TOP1: variants seen among roughly 807,000 people sequenced by gnomAD.
The protein encoded by TOP1 is DNA topoisomerase I.
Under a neutral mutation model 111.1 loss-of-function variants are expected in TOP1, and 10 were observed. The ratio of observed to expected loss-of-function variants is 0.09; its 90% CI spans 0.06 to 0.15. The LOEUF is 0.15. TOP1 is among the 10% of genes least tolerant of loss of function. The pLI, the probability that TOP1 is intolerant of heterozygous loss-of-function variation, is 1.00. For missense variants in TOP1, 474 were observed against 926.7 expected, an observed-to-expected ratio of 0.51 and a Z score of 6.34; for synonymous variants, 271 against 302.9, an observed-to-expected ratio of 0.89 and a Z score of 1.10.
At chr20:41,104,416 G>A (rs975799318) in intron 13 of TOP1, among the ~76,000 whole-genome samples, 4 of 152,214 alleles carry the variant, frequency 2.6e-5, no homozygotes, top group Admixed American at 2.6e-4. Context: ...GATGGAGAGA[G>A]GTGACAGATA....
chr20:41,082,509 C>T lies in TOP1; in HGVS notation c.507+1269C>T, dbSNP rs2033799990. Among the ~76,000 whole-genome samples, 1 of 152,180 alleles carries T rather than the reference C, an allele frequency of 6.6e-6. No individual in the cohort carries two copies. Among genetic ancestry groups the T allele is most frequent in the Non-Finnish European group, 1.5e-5 (1 of 68,026 alleles). On this transcript the variant is annotated intron_variant, in intron 7 of 20. Transcript: ENST00000361337. The surrounding 1 kb of genome is among the most constrained non-coding windows in gnomAD (Gnocchi z 4.1). ...CAGTCTGACTTCAGTGCCAGCACACCAGCTACTATATTATCCTACCTCCCC... is the reference window on the plus strand; with the variant it reads ...CAGTCTGACTTCAGTGCCAGCACACTAGCTACTATATTATCCTACCTCCCC...
intron 18 of TOP1, among the ~76,000 whole-genome samples, chr20:41,120,801 G>A (rs1299550588): frequency 6.6e-6 from 1 of 152,182 alleles, no homozygotes; most frequent in Non-Finnish European, 1.5e-5. Context: ...GAGTGCAGGG[G>A]CATGATCTCG....
At chr20:41,050,906 T>A (rs1031663741) in intron 2 of TOP1, among the ~76,000 whole-genome samples, 5 of 152,168 alleles carry the variant, frequency 3.3e-5, no homozygotes, top group Non-Finnish European at 4.4e-5. Flanking sequence ...TTGATTTTTT[T>A]AAAACTTCTG....
Position 41,069,644 on chromosome 20 carries a change from A to G in TOP1, c.156-6527A>G, listed in dbSNP as rs1001225793. Among the ~76,000 whole-genome samples, 2 of 152,238 alleles carry G rather than the reference A, an allele frequency of 1.3e-5. No individual in the cohort carries two copies. The highest frequency in any genetic ancestry group is 1.3e-4 in the Admixed American group (2 of 15,282). On this transcript the variant is annotated intron_variant, in intron 3 of 20. Transcript: ENST00000361337. The surrounding 1 kb of genome is among the most constrained non-coding windows in gnomAD (Gnocchi z 4.1). ...CTAAATAATTGAGATAATGATGGTG[A>G]TGATGATAATTACCGCAAAGCCTAG... is the stretch of plus-strand genomic sequence containing the variant.
intron 2 of TOP1, among the ~76,000 whole-genome samples, chr20:41,050,330 T>C (rs936187017): frequency 6.6e-6 from 1 of 152,180 alleles, no homozygotes; most frequent in African/African-American, 2.4e-5. Context: ...CATTCATCAG[T>C]TTTTTAAGGG....
At chr20:41,050,434 A>G (rs1269107430) in intron 2 of TOP1, among the ~76,000 whole-genome samples, 2 of 152,188 alleles carry the variant, frequency 1.3e-5, no homozygotes, top group South Asian at 4.1e-4. Flanking sequence ...TGTCCTGCTT[A>G]CTTTGAAAGG....
chr20:41,062,407 C>T (rs2033556296), intron 3 of TOP1, among the ~76,000 whole-genome samples: 1 of 152,144 alleles, frequency 6.6e-6, no homozygotes, highest in African/African-American at 2.4e-5. Flanking sequence ...ATTTAATTTT[C>T]TCTATTGGGG....
chr20:41,084,314 T>A, intron 7 of TOP1, 148 bp from the exon 8 acceptor site: 3 of 424,738 alleles, frequency 7.1e-6, no homozygotes, highest in Non-Finnish European at 8.7e-6. Flanking sequence ...TACATTGTTA[T>A]TCATCTGTCA....
chr20:41,103,269 A>T (rs1240777490), intron 13 of TOP1, among the ~76,000 whole-genome samples: 3 of 152,242 alleles, frequency 2.0e-5, no homozygotes, highest in African/African-American at 7.2e-5. Context: ...GAGTAAATTT[A>T]GTCTCTGGGA....
At chr20:41,042,458 A>C (rs938791165) in intron 2 of TOP1, among the ~76,000 whole-genome samples, 15 of 152,192 alleles carry the variant, frequency 9.9e-5, no homozygotes, top group Admixed American at 9.8e-4. Flanking sequence ...GCAGAGCACA[A>C]TGAGCAGGGT....
Position 41,121,649 on chromosome 20 carries a change from C to G in TOP1, c.1951-47C>G, listed in dbSNP as rs375365719. 5.4e-6 allele frequency: 8 copies of G among 1,478,102 alleles called. No individual in the cohort carries two copies. In the African/African-American group the frequency reaches 1.1e-4, roughly 20 times the overall value. 91.6% of individuals were successfully genotyped at this position (1,478,102 alleles called of 1,614,324 possible). On this transcript the variant is annotated intron_variant, in intron 18 of 20. Coordinates refer to ENST00000361337, the MANE Select transcript of TOP1 (RefSeq NM_003286.4). This position sits in a 1 kb window ranked among gnomAD's most constrained non-coding sequence, Gnocchi z 4.2. Reference sequence around the variant, plus strand: ...TTGGTTTCACCTTCTCAGGTGGAGCCATTTTTCCTCTACAGCTCATAACCT... The same window carrying G: ...TTGGTTTCACCTTCTCAGGTGGAGCGATTTTTCCTCTACAGCTCATAACCT...
At chr20:41,096,359 C>A (rs1356106713) in intron 9 of TOP1, among the ~76,000 whole-genome samples, 2 of 152,194 alleles carry the variant, frequency 1.3e-5, no homozygotes, top group Non-Finnish European at 2.9e-5. Flanking sequence ...TGAGCCACTG[C>A]TCCCAGCCCC....
At chr20:41,066,140 A>T (rs928856709) in intron 3 of TOP1, among the ~76,000 whole-genome samples, 1 of 152,164 alleles carries the variant, frequency 6.6e-6, no homozygotes, top group South Asian at 2.1e-4. Context: ...TTGAAAACTT[A>T]TCTTCTCTAA....
At chr20:41,099,778 A>T (rs1358512889) in intron 11 of TOP1, among the ~76,000 whole-genome samples, 1 of 152,220 alleles carries the variant, frequency 6.6e-6, no homozygotes, top group African/African-American at 2.4e-5. Context: ...AAGTACATTT[A>T]AAAACACCCA....
chr20:41,036,947 T>C (rs1349350680), intron 2 of TOP1, among the ~76,000 whole-genome samples: 2 of 151,078 alleles, frequency 1.3e-5, no homozygotes, highest in Admixed American at 6.6e-5. Context: ...TCTCCTGCCT[T>C]AGCCTCCTAA....
intron 3 of TOP1, among the ~76,000 whole-genome samples, chr20:41,074,500 T>A (rs907682007): frequency 1.3e-5 from 2 of 152,050 alleles, no homozygotes; most frequent in African/African-American, 4.8e-5. Flanking sequence ...TTTTTTTTTT[T>A]CTCCATCTAT....
chr20:41,076,719 T>C (rs1331784427), intron 4 of TOP1, among the ~76,000 whole-genome samples: 1 of 152,220 alleles, frequency 6.6e-6, no homozygotes, highest in Non-Finnish European at 1.5e-5. Context: ...CAGCTGAGAA[T>C]GAATAGTACT....
chr20:41,036,345 A>G (rs941102280), intron 2 of TOP1, among the ~76,000 whole-genome samples: 1 of 152,154 alleles, frequency 6.6e-6, no homozygotes, highest in African/African-American at 2.4e-5. Context: ...CAGCTGTGGT[A>G]AAATAGAAAA....
rs895483572 is a variant in TOP1, at chr20:41,110,116, G to A, written c.1309-2666G>A. Reference sequence around the variant, plus strand: ...AGCCTGGCCAACATGGCGAAACACCGTCTCTACAAAAAAATACAAAAATTA... The same window carrying A: ...AGCCTGGCCAACATGGCGAAACACCATCTCTACAAAAAAATACAAAAATTA... On this transcript the variant is annotated intron_variant, in intron 13 of 20. Coordinates refer to ENST00000361337, the MANE Select transcript of TOP1 (RefSeq NM_003286.4). This position sits in a 1 kb window ranked among gnomAD's most constrained non-coding sequence, Gnocchi z 4.2. 2.6e-5 allele frequency among the ~76,000 whole-genome samples: 4 copies of A among 152,082 alleles called. No individual in the cohort carries two copies. The highest frequency in any genetic ancestry group is 7.2e-5 in the African/African-American group (3 of 41,414).
Sources: allele counts gnomAD v4.1 joint callset (sites outside exome capture counted in the v4.1 genomes callset), GRCh38; gene constraint gnomAD v4.1.1; non-coding constraint Gnocchi (gnomAD v3.1); transcripts MANE v1.5; gene names NCBI Gene and HGNC (gene_info 2026-07-23, HGNC 2026-07-21).